MX1: variants seen among roughly 807,000 people sequenced by gnomAD.
MX1 encodes the protein interferon-induced GTP-binding protein Mx1.
Under a neutral mutation model 66.4 loss-of-function variants are expected in MX1, and 66 were observed. The ratio of observed to expected loss-of-function variants is 0.99; its 90% CI spans 0.82 to 1.22. MX1 has a LOEUF of 1.22. Ranked by LOEUF, MX1 falls within the 50% of genes most tolerant of loss-of-function variation. MX1 has a pLI of 0.00. For synonymous variants in MX1, 311 were observed against 318.1 expected, an observed-to-expected ratio of 0.98 and a Z score of 0.24; for missense variants, 787 against 834.3, an observed-to-expected ratio of 0.94 and a Z score of 0.70.
intron 13 of MX1, among the ~76,000 whole-genome samples, chr21:41,447,847 T>C (rs918721194): frequency 3.3e-5 from 5 of 152,184 alleles, no homozygotes; most frequent in Non-Finnish European, 7.3e-5. Context: ...GCGATTCTCC[T>C]GCTTCAGCCT....
At chr21:41,440,744 G>A (rs183840529) in intron 8 of MX1, 143 bp from the exon 9 acceptor site, 351 of 927,532 alleles carry the variant, frequency 3.8e-4, no homozygotes, top group Non-Finnish European at 2.6e-4. Context: ...TGTGTTTGTG[G>A]GTTCATTTCT....
chr21:41,424,033 C>G (rs1175311784), upstream of MX1, among the ~76,000 whole-genome samples: 1 of 152,196 alleles, frequency 6.6e-6, no homozygotes, highest in Non-Finnish European at 1.5e-5. Context: ...AAGCCTCCCG[C>G]TGTTGGAAAC....
chr21:41,453,393 G>A lies in MX1; in HGVS notation c.1758+524G>A, dbSNP rs186029704. On this transcript the variant is annotated intron_variant, in intron 16 of 16. Transcript: ENST00000398598. ...CCTTCGTAGAAGCAGCTCAACCTCA[G>A]ACAGAGAGATGGTGGCTTAGAGCCA... Among the ~76,000 whole-genome samples, 152 of 152,354 alleles carry A rather than the reference G, an allele frequency of 1.0e-3. 1 individual carries two copies. The highest frequency in any genetic ancestry group is 9.9e-3 in the Admixed American group (152 of 15,310).
At chr21:41,439,633 A>G (rs2146200499) in intron 7 of MX1, 61 bp from the exon 8 acceptor site, 2 of 1,513,944 alleles carry the variant, frequency 1.3e-6, no homozygotes, top group Middle Eastern at 3.4e-4. Flanking sequence ...AGTATTCACC[A>G]TCATGAGATC....
chr21:41,430,229 G>A (rs1410207944), intron 3 of MX1, among the ~76,000 whole-genome samples: 2 of 152,074 alleles, frequency 1.3e-5, no homozygotes, highest in Non-Finnish European at 2.9e-5. Flanking sequence ...CAACCCTCAT[G>A]GTACTGACAA....
chr21:41,440,385 G>C (rs2090473326), intron 8 of MX1, among the ~76,000 whole-genome samples: 1 of 152,154 alleles, frequency 6.6e-6, no homozygotes, highest in South Asian at 2.1e-4. Flanking sequence ...GCACCTGTCA[G>C]CTACTAGGAG....
intron 5 of MX1, among the ~76,000 whole-genome samples, chr21:41,435,307 A>G (rs2090329060): frequency 6.6e-6 from 1 of 152,140 alleles, no homozygotes; most frequent in South Asian, 2.1e-4. Flanking sequence ...GTTTTCATTA[A>G]GTTTGAGGGA....
chr21:41,446,208 C>T (rs2090659930), intron 13 of MX1, 67 bp downstream of exon 13: 1 of 1,359,672 alleles, frequency 7.4e-7, no homozygotes. Flanking sequence ...CATTTATAAA[C>T]AGTAGAAACT....
At chr21:41,453,528 C>T (rs1422489100) in intron 16 of MX1, among the ~76,000 whole-genome samples, 1 of 152,120 alleles carries the variant, frequency 6.6e-6, no homozygotes, top group Non-Finnish European at 1.5e-5. Flanking sequence ...GTGCATATTC[C>T]AGGAGACGAG....
At chr21:41,447,254 A>G (rs936755875) in intron 13 of MX1, among the ~76,000 whole-genome samples, 3 of 152,112 alleles carry the variant, frequency 2.0e-5, no homozygotes, top group Admixed American at 1.3e-4. Context: ...ATCTCCTCCC[A>G]CAAGGACACT....
chr21:41,431,001 TTTA>T (rs2090195409), intron 4 of MX1, among the ~76,000 whole-genome samples: 1 of 152,164 alleles, frequency 6.6e-6, no homozygotes, highest in African/African-American at 2.4e-5. Flanking sequence ...CTATAACAAT[TTTA>T]TTTTTAAATG....
chr21:41,439,972 T>C (rs2090463100), intron 8 of MX1, 124 bp downstream of exon 8: 1 of 1,030,508 alleles, frequency 9.7e-7, no homozygotes. Flanking sequence ...TTGGAGTTAG[T>C]ATTTGGAGGT....
intron 5 of MX1, among the ~76,000 whole-genome samples, 174 bp downstream of exon 5, chr21:41,432,349 G>A (rs1290193201): frequency 6.6e-6 from 1 of 152,174 alleles, no homozygotes; most frequent in African/African-American, 2.4e-5. Context: ...GTATAGACTC[G>A]TTGCCTTAGC....
chr21:41,444,017 C>A, intron 11 of MX1, 151 bp downstream of exon 11: 1 of 721,000 alleles, frequency 1.4e-6, no homozygotes, highest in Non-Finnish European at 2.3e-6. Context: ...GGAGTGGGGC[C>A]TAGAATTCTG....
At chr21:41,423,550 G>T (rs2090014710), upstream of MX1, among the ~76,000 whole-genome samples, 3 of 152,200 alleles carry the variant, frequency 2.0e-5, no homozygotes, top group Non-Finnish European at 4.4e-5. Flanking sequence ...TTGGTCGGGT[G>T]TGAGCTAAGT....
chr21:41,449,300 G>A lies in MX1; in HGVS notation c.1432+5G>A. 1 of 1,606,548 alleles carries A rather than the reference G, an allele frequency of 6.2e-7. No individual in the cohort carries two copies. The highest frequency in any genetic ancestry group is 8.5e-7 in the Non-Finnish European group (1 of 1,177,668). On this transcript the variant is annotated splice_donor_5th_base_variant and intron_variant, in intron 14 of 16. Coordinates refer to ENST00000398598, the MANE Select transcript of MX1 (RefSeq NM_002462.5). ...ATATGCTACACACCGTGACGGGTGA[G>A]TGCTCAGTTTCACCTCTGAGCATTG...
chr21:41,454,184 AG>A (rs949284727), intron 16 of MX1, among the ~76,000 whole-genome samples: 1 of 152,174 alleles, frequency 6.6e-6, no homozygotes, highest in Non-Finnish European at 1.5e-5. Context: ...ATATATTTTT[AG>A]GTAAAATATT....
chr21:41,455,182 T>G lies in MX1; in HGVS notation c.1758+2313T>G, dbSNP rs149338121. Among the ~76,000 whole-genome samples the G allele has an allele frequency of 5.6e-3, 851 of 152,266 alleles. 7 individuals carry two copies. Among genetic ancestry groups the G allele is most frequent in the African/African-American group, 0.019 (805 of 41,552 alleles). On this transcript the variant is annotated intron_variant, in intron 16 of 16. Transcript: ENST00000398598. Reference sequence around the variant, plus strand: ...GCCTCGGCCTCCCAAAGTGCTGGGATTACAGGCGTGAGCCACCATGCCTGG... The same window carrying G: ...GCCTCGGCCTCCCAAAGTGCTGGGAGTACAGGCGTGAGCCACCATGCCTGG...
At chr21:41,451,834 CAAAA>C (rs559021046) in intron 15 of MX1, among the ~76,000 whole-genome samples, 1 of 51,482 alleles carries the variant, frequency 1.9e-5, no homozygotes. Flanking sequence ...GACCCCGTCT[CAAAA>C]AAAAAAAAAA....
Sources: gnomAD v4.1 joint callset for allele counts (sites outside exome capture counted in the v4.1 genomes callset) on GRCh38, gnomAD v4.1.1 for gene constraint, MANE v1.5 for transcripts, NCBI Gene and HGNC (gene_info 2026-07-23, HGNC 2026-07-21) for gene names.